The following GALNT18 variants were observed in gnomAD, a reference collection of about 807,000 sequenced individuals.
The protein encoded by GALNT18 is GalNAc-transferase 18.
GALNT18 carries 44 observed loss-of-function variants against 69.5 expected under a neutral mutation model. The observed-to-expected ratio is 0.63, with a 90% CI of 0.50 to 0.81. GALNT18 has a LOEUF of 0.81. Among genes scored for constraint, GALNT18 ranks in the 40% least tolerant of loss-of-function variants. The probability of loss-of-function intolerance (pLI) is 0.00; values close to 1 mark genes in which losing one functional copy is unlikely to be tolerated. For synonymous variants in GALNT18, 364 were observed against 318.2 expected (o/e 1.14, Z -1.53); for missense variants, 715 against 810.0 (o/e 0.88, Z 1.42).
intron 10 of GALNT18, among the ~76,000 whole-genome samples, chr11:11,281,959 G>T (rs1564878075): frequency 6.6e-6 from 1 of 152,088 alleles, no homozygotes; most frequent in African/African-American, 2.4e-5. Flanking sequence ...CCATGGTGGG[G>T]CATCGCTGAG....
At chr11:11,278,048 G>T (rs1434234550) in intron 10 of GALNT18, among the ~76,000 whole-genome samples, 1 of 151,902 alleles carries the variant, frequency 6.6e-6, no homozygotes, top group Non-Finnish European at 1.5e-5. Context: ...TCAAGTCCTG[G>T]ATATCCCTGT....
intron 3 of GALNT18, among the ~76,000 whole-genome samples, chr11:11,428,869 A>G (rs1193849499): frequency 1.3e-5 from 2 of 152,246 alleles, no homozygotes; most frequent in African/African-American, 4.8e-5. Context: ...TTGTTTCTTA[A>G]AAGTCGTGTT....
At chr11:11,419,432 A>G (rs1451169394) in intron 3 of GALNT18, among the ~76,000 whole-genome samples, 1 of 151,766 alleles carries the variant, frequency 6.6e-6, no homozygotes, top group Non-Finnish European at 1.5e-5. Flanking sequence ...CCTTGTCTCT[A>G]CTAAAAATAC....
At chr11:11,296,199 A>G (rs1457827438) in intron 9 of GALNT18, among the ~76,000 whole-genome samples, 1 of 152,188 alleles carries the variant, frequency 6.6e-6, no homozygotes, top group African/African-American at 2.4e-5. Flanking sequence ...AGGGAAACCA[A>G]CAACATATCA....
In GALNT18 at chr11:11,339,815, C is replaced by T. The variant is rs934341753; in HGVS notation, c.1278+1004G>A. ...CTGGGAGGTGGGCTAAAAGCTCCCA[C>T]CCATGAACCAGTCAACTTCCTCAAT... On this transcript the variant is annotated intron_variant, in intron 7 of 10. Coordinates refer to ENST00000227756, the MANE Select transcript of GALNT18 (RefSeq NM_198516.3). This position sits in a 1 kb window ranked among gnomAD's most constrained non-coding sequence, Gnocchi z 5.2. Among the ~76,000 whole-genome samples the T allele has an allele frequency of 3.9e-5, 6 of 152,196 alleles. No individual in the cohort carries two copies. Among genetic ancestry groups the T allele is most frequent in the Admixed American group, 3.3e-4 (5 of 15,282 alleles).
At chr11:11,593,236 A>G (rs988498406) in intron 1 of GALNT18, among the ~76,000 whole-genome samples, 1 of 152,108 alleles carries the variant, frequency 6.6e-6, no homozygotes, top group Non-Finnish European at 1.5e-5. Context: ...TTACTTCTCT[A>G]CAGGTTATAA....
At chr11:11,279,757 T>G (rs1313638797) in intron 10 of GALNT18, among the ~76,000 whole-genome samples, 1 of 152,170 alleles carries the variant, frequency 6.6e-6, no homozygotes, top group African/African-American at 2.4e-5. Context: ...GGGAAGGTGA[T>G]GGGCAGGAAA....
At chr11:11,578,682 G>C (rs1257542086) in intron 1 of GALNT18, among the ~76,000 whole-genome samples, 1 of 152,244 alleles carries the variant, frequency 6.6e-6, no homozygotes, top group East Asian at 1.9e-4. Context: ...TGTCAAGGTT[G>C]TGCGTCGCAG....
At chr11:11,428,124 G>A (rs1202593646) in intron 3 of GALNT18, among the ~76,000 whole-genome samples, 5 of 152,232 alleles carry the variant, frequency 3.3e-5, no homozygotes. Context: ...GAGTTGGCCT[G>A]ATTTGAAAAA....
Position 11,432,669 on chromosome 11 carries a change from G to A in GALNT18, c.547C>T (p.Pro183Ser), listed in dbSNP as rs752499561. ...AGAATGATCTCCTTGAGCAGATGTG[G>A]GGGCGTGCGTTCCATGGCCGAGTGG... ...SIHSAMERTP[P>S]HLLKEIILVD... The change falls in exon 3 of 11, where the codon CCA becomes TCA. Residue 183 changes from proline (P) to serine (S), a missense_variant. Pro to Ser is a moderately conservative substitution (Grantham distance 74). Coordinates refer to ENST00000227756, the MANE Select transcript of GALNT18 (RefSeq NM_198516.3). The surrounding 1 kb of genome is among the most constrained non-coding windows in gnomAD (Gnocchi z 5.8). 12 of 1,612,388 alleles carry A rather than the reference G, an allele frequency of 7.4e-6. No homozygotes were observed. In the South Asian group the frequency reaches 8.8e-5, roughly 12 times the overall value.
chr11:11,606,741 G>A lies in GALNT18; in HGVS notation c.235+14618C>T, dbSNP rs1332304510. 3.3e-5 allele frequency among the ~76,000 whole-genome samples: 5 copies of A among 152,132 alleles called. No homozygotes were observed. The highest frequency in any genetic ancestry group is 7.2e-5 in the African/African-American group (3 of 41,420). On this transcript the variant is annotated intron_variant, in intron 1 of 10. Transcript: ENST00000227756. The surrounding 1 kb of genome is among the most constrained non-coding windows in gnomAD (Gnocchi z 5.4). ...AAGGATTTTCCTTCCTGGTGCACAC[G>A]TTTCTCCTGAAGTTGAGGGAAGTAA...
At chr11:11,577,234 T>C (rs761855771) in intron 1 of GALNT18, among the ~76,000 whole-genome samples, 1 of 152,140 alleles carries the variant, frequency 6.6e-6, no homozygotes, top group Non-Finnish European at 1.5e-5. Flanking sequence ...CTGATTATTG[T>C]CATCATCTTT....
intron 3 of GALNT18, among the ~76,000 whole-genome samples, chr11:11,416,362 G>A (rs945380112): frequency 1.3e-5 from 2 of 152,148 alleles, no homozygotes; most frequent in African/African-American, 4.8e-5. Context: ...TCATCAGCAG[G>A]ATCCTTCAGT....
intron 7 of GALNT18, among the ~76,000 whole-genome samples, chr11:11,333,421 C>T (rs58737694): frequency 0.045 from 6,906 of 152,190 alleles, 502 homozygotes; most frequent in African/African-American, 0.16. Flanking sequence ...CTACATAATC[C>T]TCCTTTACGG....
At chr11:11,335,367 A>C (rs1299168807) in intron 7 of GALNT18, among the ~76,000 whole-genome samples, 1 of 152,212 alleles carries the variant, frequency 6.6e-6, no homozygotes, top group African/African-American at 2.4e-5. Flanking sequence ...TTAATAGTTC[A>C]GCATATCTGC....
At chr11:11,516,514 C>T (rs575927181) in intron 1 of GALNT18, among the ~76,000 whole-genome samples, 2 of 152,260 alleles carry the variant, frequency 1.3e-5, no homozygotes, top group South Asian at 4.2e-4. Flanking sequence ...ATCTGTAGTC[C>T]CAGCTACTCA....
chr11:11,344,032 C>T (rs1850256228), intron 6 of GALNT18, among the ~76,000 whole-genome samples: 1 of 152,156 alleles, frequency 6.6e-6, no homozygotes, highest in African/African-American at 2.4e-5. Context: ...CACCTGACCT[C>T]CCTCTTCCCA....
intron 1 of GALNT18, among the ~76,000 whole-genome samples, chr11:11,558,095 C>A (rs1858376138): frequency 1.3e-5 from 2 of 152,186 alleles, no homozygotes; most frequent in African/African-American, 4.8e-5. Flanking sequence ...GATAAGCTCC[C>A]CACACACATA....
At chr11:11,352,307 A>G in intron 6 of GALNT18, 3 of 1,614,128 alleles carry the variant, frequency 1.9e-6, no homozygotes, top group Non-Finnish European at 2.5e-6. Context: ...TGCCCAAGAT[A>G]TCATTGAAAC....
Sources: gnomAD v4.1 joint callset for allele counts (sites outside exome capture counted in the v4.1 genomes callset) on GRCh38, gnomAD v4.1.1 for gene constraint, Gnocchi (gnomAD v3.1) non-coding constraint, MANE v1.5 for transcripts, NCBI Gene and HGNC (gene_info 2026-07-23, HGNC 2026-07-21) for gene names.